ARFGAP2: variants seen among roughly 807,000 people sequenced by gnomAD.
ARFGAP2 encodes the protein ARF GTPase activating protein 2.
A neutral mutation model predicts 71.9 loss-of-function variants in ARFGAP2; 45 were observed. The observed-to-expected ratio is 0.63, with a 90% CI of 0.49 to 0.80. ARFGAP2 has a LOEUF of 0.80. ARFGAP2 is among the 30% of genes least tolerant of loss of function. The pLI is 0.00. For synonymous variants in ARFGAP2, 248 were observed against 249.2 expected (o/e 1.00, Z 0.05); for missense variants, 633 against 673.9 (o/e 0.94, Z 0.67).
chr11:47,175,038 C>A lies in ARFGAP2; in HGVS notation c.457G>T (p.Asp153Tyr). The change falls in exon 5 of 16, where the codon GAT becomes TAT. Residue 153 changes from aspartate to tyrosine, a missense_variant. Transcript: ENST00000524782. ...ACTTGAGTGTGTTCTGTGAAGAAATCAGAGTCCTTCTTCTCTGGGGAGTGA... is the reference window on the plus strand; with the variant it reads ...ACTTGAGTGTGTTCTGTGAAGAAATAAGAGTCCTTCTTCTCTGGGGAGTGA... ...PNHSPEKKDS[D>Y]FFTEHTQPPA... The A allele has an allele frequency of 1.2e-6, 2 of 1,614,184 alleles. No homozygotes were observed. Among genetic ancestry groups the A allele is most frequent in the South Asian group, 1.1e-5 (1 of 91,084 alleles).
At chr11:47,176,108 A>G in intron 2 of ARFGAP2, 185 bp from the exon 3 acceptor site, 1 of 628,168 alleles carries the variant, frequency 1.6e-6, no homozygotes. Flanking sequence ...TACTCCAAAG[A>G]GTACTAATTA....
chr11:47,165,576 C>T (rs1415788024), intron 15 of ARFGAP2, 74 bp from the exon 16 acceptor site: 3 of 1,456,242 alleles, frequency 2.1e-6, no homozygotes, highest in South Asian at 1.4e-5. Context: ...AGCAAACACA[C>T]TGCCTGCCCC....
At chr11:47,167,773 C>T in intron 12 of ARFGAP2, 136 bp downstream of exon 12, 2 of 1,144,470 alleles carry the variant, frequency 1.7e-6, no homozygotes, top group South Asian at 1.7e-5. Flanking sequence ...ATAGTAGTGG[C>T]TACCATATTA....
Position 47,165,295 on chromosome 11 carries a change from G to C in ARFGAP2, c.*187C>G. The C allele has an allele frequency of 1.8e-6, 1 of 570,986 alleles. No homozygotes were observed. The highest frequency in any genetic ancestry group is 4.2e-5 in the South Asian group (1 of 23,630). The allele number at this position is 570,986 out of a possible 1,614,324, so 35.4% of individuals were successfully genotyped here. A position where few individuals can be genotyped will look rare whatever the true frequency, so the allele number is the denominator to read the frequency against. On this transcript the variant is annotated 3_prime_UTR_variant, in exon 16 of 16. Transcript: ENST00000524782. ...GAATAAAGGGCTCAGTCCACAGGCA[G>C]AGGACAAGGGCTGGTACTGACCATT...
chr11:47,166,458 C>T (rs1383413992), intron 14 of ARFGAP2, 48 bp downstream of exon 14: 2 of 1,612,504 alleles, frequency 1.2e-6, no homozygotes, highest in Non-Finnish European at 1.7e-6. Flanking sequence ...GCCCTCCCGC[C>T]CTGCTCCCAG....
At chr11:47,172,910 ACCC>A (rs1952658355) in intron 7 of ARFGAP2, among the ~76,000 whole-genome samples, 1 of 152,190 alleles carries the variant, frequency 6.6e-6, no homozygotes, top group Non-Finnish European at 1.5e-5. Context: ...TCCAGCCCCA[ACCC>A]CCAAGAGTCA....
At chr11:47,175,354 T>A (rs776679392) in intron 3 of ARFGAP2, 41 bp from the exon 4 acceptor site, 1 of 1,613,566 alleles carries the variant, frequency 6.2e-7, no homozygotes, top group South Asian at 1.1e-5. Context: ...TACGGGTGAT[T>A]CTCAAGAAGG....
At chr11:47,165,673 C>A (rs1371108583) in intron 15 of ARFGAP2, among the ~76,000 whole-genome samples, 171 bp from the exon 16 acceptor site, 2 of 152,262 alleles carry the variant, frequency 1.3e-5, no homozygotes, top group Middle Eastern at 3.4e-3. Flanking sequence ...AGCGGCCACT[C>A]GGGCACCCGA....
At chr11:47,175,423 A>C in intron 3 of ARFGAP2, 110 bp from the exon 4 acceptor site, 1 of 1,522,184 alleles carries the variant, frequency 6.6e-7, no homozygotes, top group Non-Finnish European at 9.1e-7. Flanking sequence ...TCTATACAGG[A>C]TGATACACGC....
chr11:47,174,180 C>A (rs968465113), intron 5 of ARFGAP2, among the ~76,000 whole-genome samples: 7 of 152,094 alleles, frequency 4.6e-5, no homozygotes, highest in African/African-American at 1.2e-4. Context: ...GGAGCTACAT[C>A]GCCATTTTAG....
At chr11:47,167,884 A>G (rs375730372) in intron 12 of ARFGAP2, 25 bp downstream of exon 12, 34 of 1,534,898 alleles carry the variant, frequency 2.2e-5, no homozygotes, top group Non-Finnish European at 3.0e-5. Flanking sequence ...AAAAGAAAGA[A>G]AAAAGAAAAA....
At chr11:47,174,265 C>G (rs528860757) in intron 5 of ARFGAP2, 1 of 193,170 alleles carries the variant, frequency 5.2e-6, no homozygotes, top group African/African-American at 2.3e-5. Flanking sequence ...GAATTGAAGC[C>G]AAGAGTCTAA....
chr11:47,165,876 T>C (rs1174265675), intron 15 of ARFGAP2, among the ~76,000 whole-genome samples: 1 of 151,424 alleles, frequency 6.6e-6, no homozygotes, highest in Non-Finnish European at 1.5e-5. Context: ...TTTTCGTTTG[T>C]GGTTTTTTTT....
chr11:47,166,216 G>A, intron 15 of ARFGAP2, 52 bp downstream of exon 15: 1 of 1,573,338 alleles, frequency 6.4e-7, no homozygotes, highest in Non-Finnish European at 8.7e-7. Flanking sequence ...TCTATGTGGT[G>A]GCGAAGGGCA....
intron 3 of ARFGAP2, 55 bp from the exon 4 acceptor site, chr11:47,175,368 C>A: frequency 6.2e-7 from 1 of 1,612,658 alleles, no homozygotes; most frequent in Non-Finnish European, 8.5e-7. Flanking sequence ...AAGAAGGAAA[C>A]GTGTTGGCTG....
intron 7 of ARFGAP2, chr11:47,172,883 C>T: frequency 1.2e-6 from 1 of 856,124 alleles, no homozygotes; most frequent in Admixed American, 2.8e-5. Context: ...ATCAGTCTGA[C>T]AGTCACTCTG....
intron 5 of ARFGAP2, 184 bp from the exon 6 acceptor site, chr11:47,174,024 C>G: frequency 3.4e-6 from 4 of 1,164,154 alleles, no homozygotes; most frequent in Non-Finnish European, 4.8e-6. Flanking sequence ...GACAAGCAGC[C>G]CCCACCCCAA....
chr11:47,173,375 T>G, intron 7 of ARFGAP2, 51 bp downstream of exon 7: 30 of 1,544,754 alleles, frequency 1.9e-5, no homozygotes, highest in Non-Finnish European at 2.5e-5. Flanking sequence ...AAAGAACATT[T>G]GAGGTCCACC....
chr11:47,170,019 T>C (rs1478243673), intron 10 of ARFGAP2, among the ~76,000 whole-genome samples: 1 of 152,102 alleles, frequency 6.6e-6, no homozygotes, highest in Non-Finnish European at 1.5e-5. Flanking sequence ...TCTGGCTGGA[T>C]GTGGCTCACG....
Sources: gnomAD v4.1 joint callset for allele counts (sites outside exome capture counted in the v4.1 genomes callset) on GRCh38, gnomAD v4.1.1 for gene constraint, MANE v1.5 for transcripts, NCBI Gene and HGNC (gene_info 2026-07-23, HGNC 2026-07-21) for gene names.